The following SH3GL2 variants were observed in gnomAD, a reference collection of about 807,000 sequenced individuals.
The protein encoded by SH3GL2 is endophilin-A1.
SH3GL2 carries 24 observed loss-of-function variants against 46.0 expected under a neutral mutation model. That is an observed-to-expected ratio of 0.52 (90% CI 0.38 to 0.73). SH3GL2 has a LOEUF of 0.73. Ranked by LOEUF, SH3GL2 falls within the 30% of genes least tolerant of loss-of-function variation. The pLI, the probability that SH3GL2 is intolerant of heterozygous loss-of-function variation, is 0.00. For synonymous variants in SH3GL2, 196 were observed against 147.1 expected, an observed-to-expected ratio of 1.33 and a Z score of -2.40; for missense variants, 413 against 424.2, an observed-to-expected ratio of 0.97 and a Z score of 0.23.
intron 1 of SH3GL2, among the ~76,000 whole-genome samples, chr9:17,640,046 T>C (rs556906174): frequency 3.3e-5 from 5 of 152,258 alleles, no homozygotes; most frequent in Admixed American, 3.3e-4. Flanking sequence ...TAATATATCT[T>C]GAATGTGGTG....
Position 17,579,271 on chromosome 9 carries a change from T to C in SH3GL2, c.29T>C (p.Phe10Ser). ...TCGGTGGCCGGCCTCAAGAAGCAGT[T>C]CCATAAAGCCACTCAGGTAAGGCGC... MSVAGLKKQFHKATQKVSEK... is the reference protein window; with the variant it reads MSVAGLKKQSHKATQKVSEK... Residue 10 changes from phenylalanine (F) to serine (S), a missense_variant, in exon 1 of 9, where the codon TTC becomes TCC. Phe to Ser is a radical substitution (Grantham distance 155, BLOSUM62 -2). This residue lies in a region of SH3GL2 where 160 missense variants were observed against 192.3 expected (regional missense o/e 0.83). Transcript: ENST00000380607. 1 of 1,566,902 alleles carries C rather than the reference T, an allele frequency of 6.4e-7. No homozygotes were observed. The highest frequency in any genetic ancestry group is 1.2e-5 in the South Asian group (1 of 86,402).
intron 8 of SH3GL2, among the ~76,000 whole-genome samples, chr9:17,794,655 G>C (rs1232401098): frequency 6.6e-6 from 1 of 152,142 alleles, no homozygotes; most frequent in Non-Finnish European, 1.5e-5. Context: ...GTGTGCACTT[G>C]TCTGAGTCTG....
intron 1 of SH3GL2, among the ~76,000 whole-genome samples, chr9:17,674,563 A>C (rs990093646): frequency 2.0e-5 from 3 of 152,028 alleles, no homozygotes; most frequent in Non-Finnish European, 4.4e-5. Context: ...TGCCCAAAGC[A>C]ATGAACATGT....
At chr9:17,679,807 A>G (rs992803087) in intron 1 of SH3GL2, among the ~76,000 whole-genome samples, 13 of 152,204 alleles carry the variant, frequency 8.5e-5, no homozygotes, top group African/African-American at 1.9e-4. Flanking sequence ...TGTCCCATCA[A>G]TACCTAATTT....
intron 1 of SH3GL2, among the ~76,000 whole-genome samples, chr9:17,628,597 T>C (rs781578536): frequency 2.0e-5 from 3 of 152,234 alleles, no homozygotes; most frequent in Non-Finnish European, 4.4e-5. Flanking sequence ...CATTTAGAGC[T>C]AGATGCCTTA....
chr9:17,704,101 T>C (rs1821406389), intron 1 of SH3GL2, among the ~76,000 whole-genome samples: 2 of 152,030 alleles, frequency 1.3e-5, no homozygotes, highest in African/African-American at 2.4e-5. Flanking sequence ...AATTTCAGGA[T>C]ACAAAATTAA....
At chr9:17,707,376 A>G (rs1384335246) in intron 1 of SH3GL2, among the ~76,000 whole-genome samples, 3 of 151,990 alleles carry the variant, frequency 2.0e-5, no homozygotes, top group African/African-American at 7.2e-5. Context: ...GGTGTGTTTA[A>G]TTTCAAGTCT....
chr9:17,743,680 G>C (rs781414210), intron 1 of SH3GL2, among the ~76,000 whole-genome samples: 8 of 152,090 alleles, frequency 5.3e-5, no homozygotes, highest in Non-Finnish European at 8.8e-5. Context: ...CTAATGGCCA[G>C]TGGGATCCAA....
At chr9:17,754,180 A>T (rs1822925320) in intron 2 of SH3GL2, among the ~76,000 whole-genome samples, 1 of 152,140 alleles carries the variant, frequency 6.6e-6, no homozygotes, top group African/African-American at 2.4e-5. Context: ...CTGTTTCCAT[A>T]TGAATTTTAA....
At chr9:17,787,327 C>T (rs1044924151) in intron 4 of SH3GL2, 53 bp from the exon 5 acceptor site, 195 of 1,508,996 alleles carry the variant, frequency 1.3e-4, no homozygotes, top group Middle Eastern at 1.7e-4. Flanking sequence ...CCTGTTATTG[C>T]GAGTGCATTT....
chr9:17,711,058 A>T, intron 1 of SH3GL2, among the ~76,000 whole-genome samples: 1 of 151,884 alleles, frequency 6.6e-6, no homozygotes, highest in African/African-American at 2.4e-5. Context: ...GATCACAGAT[A>T]ATGGGGAAAA....
chr9:17,634,180 G>A (rs973716631), intron 1 of SH3GL2, among the ~76,000 whole-genome samples: 2 of 152,152 alleles, frequency 1.3e-5, no homozygotes, highest in African/African-American at 4.8e-5. Context: ...TGTGGAGGTT[G>A]CATCGGTTAA....
intron 1 of SH3GL2, among the ~76,000 whole-genome samples, chr9:17,616,187 C>G (rs1012626386): frequency 6.6e-6 from 1 of 152,058 alleles, no homozygotes; most frequent in Non-Finnish European, 1.5e-5. Context: ...AGATGAAGCA[C>G]TTATGTTTCT....
chr9:17,579,815 A>AG (rs1223593615), intron 1 of SH3GL2, among the ~76,000 whole-genome samples: 3 of 152,162 alleles, frequency 2.0e-5, no homozygotes, highest in Non-Finnish European at 4.4e-5. Context: ...CGCAGGCTCC[A>AG]GGGGAATGGA....
At chr9:17,785,825 A>G (rs1166673509) in intron 3 of SH3GL2, among the ~76,000 whole-genome samples, 1 of 152,138 alleles carries the variant, frequency 6.6e-6, no homozygotes, top group East Asian at 1.9e-4. Context: ...TTTGCTCTTC[A>G]TGGGTCTGTT....
intron 3 of SH3GL2, among the ~76,000 whole-genome samples, chr9:17,772,317 AATTT>A (rs1292376873): frequency 6.6e-6 from 1 of 152,188 alleles, no homozygotes; most frequent in Non-Finnish European, 1.5e-5. Flanking sequence ...ATTTAGAATT[AATTT>A]TTCTTATTTT....
chr9:17,761,060 C>T (rs1209608355), intron 2 of SH3GL2, among the ~76,000 whole-genome samples: 1 of 152,238 alleles, frequency 6.6e-6, no homozygotes, highest in Non-Finnish European at 1.5e-5. Flanking sequence ...GTTGATGCTG[C>T]ATGATTCTTT....
At chr9:17,586,287 C>T (rs375996547) in intron 1 of SH3GL2, among the ~76,000 whole-genome samples, 28 of 152,238 alleles carry the variant, frequency 1.8e-4, no homozygotes, top group African/African-American at 5.1e-4. Context: ...CTGTAATACT[C>T]GTGAAGAACC....
intron 1 of SH3GL2, among the ~76,000 whole-genome samples, chr9:17,680,783 C>G (rs1820746647): frequency 6.6e-6 from 1 of 152,016 alleles, no homozygotes. Context: ...ATAAATTTCC[C>G]TGTACACACT....
Sources: gnomAD v4.1 joint callset for allele counts (sites outside exome capture counted in the v4.1 genomes callset) on GRCh38, gnomAD v4.1.1 for gene constraint, gnomAD v4.1.1 regional missense constraint, MANE v1.5 for transcripts, NCBI Gene and HGNC (gene_info 2026-07-23, HGNC 2026-07-21) for gene names.